Variants in ZNF469 observed in about 807,000 individuals in gnomAD.
ZNF469 encodes the protein zinc finger protein 469.
Under a neutral mutation model 1.0 loss-of-function variants are expected in ZNF469, and 1 was observed. That is an observed-to-expected ratio of 1.00 (90% CI 0.35 to 4.73). The LOEUF (loss-of-function observed/expected upper bound fraction) is 4.73, where lower values mean the gene tolerates loss of function less well. Among genes scored for constraint, ZNF469 ranks in the 30% most tolerant of loss-of-function variants. The pLI is 0.16. For missense variants in ZNF469, 6,100 were observed against 5,356.3 expected, an observed-to-expected ratio of 1.14 and a Z score of -4.33; for synonymous variants, 2,703 against 2,363.4, an observed-to-expected ratio of 1.14 and a Z score of -4.17.
chr16:88,361,270 A>G, the ZNF469 span, among the ~76,000 whole-genome samples: 6 of 152,182 alleles, frequency 3.9e-5, no homozygotes, highest in African/African-American at 1.2e-4. Context: ...GTAAATACAG[A>G]TGAAGCTTCC....
At chr16:88,149,101 C>T in the ZNF469 span, among the ~76,000 whole-genome samples, 1 of 151,424 alleles carries the variant, frequency 6.6e-6, no homozygotes, top group African/African-American at 2.4e-5. Flanking sequence ...GTTCATTTGT[C>T]ATTGTTCAGA....
At chr16:88,403,327 A>T (rs1220831974) in intron 1 of ZNF469, among the ~76,000 whole-genome samples, 1 of 152,210 alleles carries the variant, frequency 6.6e-6, no homozygotes, top group Non-Finnish European at 1.5e-5. Context: ...ATTAATGGTT[A>T]TGTTAAAATC....
intron 1 of ZNF469, among the ~76,000 whole-genome samples, chr16:88,387,984 C>T (rs917529671): frequency 1.3e-5 from 2 of 152,262 alleles, no homozygotes; most frequent in African/African-American, 4.8e-5. Flanking sequence ...CTCCCAGCCA[C>T]ACCGCCAGGA....
At chr16:88,160,133 C>G in the ZNF469 span, among the ~76,000 whole-genome samples, 4 of 152,234 alleles carry the variant, frequency 2.6e-5, no homozygotes, top group Non-Finnish European at 1.5e-5. Flanking sequence ...CCGAAGGGTG[C>G]TGACCCCTGT....
the ZNF469 span, among the ~76,000 whole-genome samples, chr16:88,145,069 C>T: frequency 4.0e-5 from 6 of 151,854 alleles, no homozygotes; most frequent in Admixed American, 6.6e-5. Context: ...AGGCTGGTCT[C>T]GAACTCCTGA....
the ZNF469 span, among the ~76,000 whole-genome samples, chr16:88,319,592 T>C: frequency 1.3e-5 from 2 of 152,122 alleles, no homozygotes; most frequent in Non-Finnish European, 2.9e-5. Flanking sequence ...GCTGCCCTCC[T>C]AGGGCCTCAG....
Position 88,427,863 on chromosome 16 carries a change from C to A in ZNF469, c.393C>A (p.Pro131=). The change falls in exon 3 of 3, where the codon CCC becomes CCA. Residue 131 remains proline (P), a synonymous_variant. Coordinates refer to ENST00000565624, the MANE Select transcript of ZNF469 (RefSeq NM_001367624.2). The stretch of plus-strand genomic sequence containing the variant: ...GCATCGCCAGCTCGAGGACCAAGCC[C>A]ACCCTGGACGAGACACCAGAGAACC... ...ILGIASSRTK[P]TLDETPENPQ... The A allele has an allele frequency of 6.5e-7, 1 of 1,549,608 alleles. No homozygotes were observed. The highest frequency in any genetic ancestry group is 8.7e-7 in the Non-Finnish European group (1 of 1,146,792).
chr16:88,166,527 G>A, the ZNF469 span, among the ~76,000 whole-genome samples: 3 of 152,166 alleles, frequency 2.0e-5, no homozygotes, highest in East Asian at 1.9e-4. The surrounding 1 kb of genome is among the most constrained non-coding windows in gnomAD (Gnocchi z 4.5). Context: ...GGAACCCCAG[G>A]AAGTTCCCTC....
the ZNF469 span, among the ~76,000 whole-genome samples, chr16:88,359,737 T>C: frequency 6.6e-6 from 1 of 152,220 alleles, no homozygotes; most frequent in Non-Finnish European, 1.5e-5. Flanking sequence ...GGGGCTTACA[T>C]TATTTCTTCT....
At chr16:88,309,408 G>T in the ZNF469 span, among the ~76,000 whole-genome samples, 2 of 152,036 alleles carry the variant, frequency 1.3e-5, no homozygotes, top group South Asian at 4.2e-4. Context: ...CCTGGTGGGG[G>T]GAGTGCCCTC....
chr16:88,283,719 A>C, the ZNF469 span, among the ~76,000 whole-genome samples: 1 of 152,232 alleles, frequency 6.6e-6, no homozygotes. Flanking sequence ...CGGATGGCCC[A>C]CCAAGGTAGC....
chr16:88,415,446 A>G (rs895893174), intron 1 of ZNF469, among the ~76,000 whole-genome samples: 1 of 152,102 alleles, frequency 6.6e-6, no homozygotes, highest in Non-Finnish European at 1.5e-5. Context: ...CTGGGAACCC[A>G]GGGGCCTGTG....
the ZNF469 span, among the ~76,000 whole-genome samples, chr16:88,259,546 C>G: frequency 1.3e-5 from 2 of 152,208 alleles, no homozygotes; most frequent in Non-Finnish European, 2.9e-5. This position sits in a 1 kb window ranked among gnomAD's most constrained non-coding sequence, Gnocchi z 4.1. Flanking sequence ...TCCAGGGCCA[C>G]GGCAGCTGGG....
the ZNF469 span, among the ~76,000 whole-genome samples, chr16:88,122,228 C>T: frequency 6.0e-5 from 9 of 149,262 alleles, 1 homozygote; most frequent in South Asian, 1.7e-3. Flanking sequence ...ACTGTGATCG[C>T]AACCTGTCAC....
chr16:88,286,228 C>G, the ZNF469 span, among the ~76,000 whole-genome samples: 1 of 152,256 alleles, frequency 6.6e-6, no homozygotes, highest in Non-Finnish European at 1.5e-5. Context: ...AGCCCCCACT[C>G]CGTTCACCAC....
the ZNF469 span, among the ~76,000 whole-genome samples, chr16:88,350,749 G>C: frequency 2.0e-4 from 30 of 152,220 alleles, no homozygotes; most frequent in Non-Finnish European, 4.4e-5. Flanking sequence ...TGTTGATTAT[G>C]GCAGCAGAGG....
At chr16:88,165,563 C>T in the ZNF469 span, among the ~76,000 whole-genome samples, 9 of 152,212 alleles carry the variant, frequency 5.9e-5, no homozygotes, top group Non-Finnish European at 1.3e-4. Flanking sequence ...GGGGACTGCT[C>T]GGCCCTCTCT....
the ZNF469 span, among the ~76,000 whole-genome samples, chr16:88,311,610 C>T: frequency 6.6e-6 from 1 of 152,180 alleles, no homozygotes; most frequent in Admixed American, 6.5e-5. Flanking sequence ...CATTCTATAA[C>T]TTACTGTGCT....
At chr16:88,166,064 C>T in the ZNF469 span, among the ~76,000 whole-genome samples, 4 of 152,266 alleles carry the variant, frequency 2.6e-5, no homozygotes, top group Non-Finnish European at 5.9e-5. The surrounding 1 kb of genome is among the most constrained non-coding windows in gnomAD (Gnocchi z 4.5). Context: ...GTGAGGAGGC[C>T]GACCCTTGTC....
Sources: allele counts gnomAD v4.1 joint callset (sites outside exome capture counted in the v4.1 genomes callset), GRCh38; gene constraint gnomAD v4.1.1; non-coding constraint Gnocchi (gnomAD v3.1); transcripts MANE v1.5; gene names NCBI Gene and HGNC (gene_info 2026-07-23, HGNC 2026-07-21).